The following FBXL20 variants were observed in gnomAD, a reference collection of about 807,000 sequenced individuals.
The protein encoded by FBXL20 is F-box and leucine rich repeat protein 20.
FBXL20 carries 11 observed loss-of-function variants against 64.0 expected under a neutral mutation model. The observed-to-expected ratio is 0.17, with a 90% CI of 0.11 to 0.28. The LOEUF (loss-of-function observed/expected upper bound fraction) is 0.28, where lower values mean the gene tolerates loss of function less well. Ranked by LOEUF, FBXL20 falls within the 10% of genes least tolerant of loss-of-function variation. The probability of loss-of-function intolerance (pLI) is 1.00; values close to 1 mark genes in which losing one functional copy is unlikely to be tolerated. For synonymous variants in FBXL20, 184 were observed against 189.0 expected (o/e 0.97, Z 0.22); for missense variants, 303 against 526.2 (o/e 0.58, Z 4.15).
intron 9 of FBXL20, among the ~76,000 whole-genome samples, chr17:39,279,152 T>C (rs1158586690): frequency 2.0e-5 from 3 of 151,760 alleles, no homozygotes; most frequent in Admixed American, 6.6e-5. Flanking sequence ...TCTAAATAAA[T>C]AAATAAATAA....
chr17:39,402,399 G>T, upstream of FBXL20: 1 of 408,284 alleles, frequency 2.4e-6, no homozygotes, highest in Non-Finnish European at 4.2e-6. Flanking sequence ...TGGCTCGGGA[G>T]GGCGAGGGTG....
intron 2 of FBXL20, among the ~76,000 whole-genome samples, chr17:39,336,123 G>GGGGAGGGGAA (rs2047519612): frequency 6.6e-6 from 1 of 152,046 alleles, no homozygotes; most frequent in Non-Finnish European, 1.5e-5. Context: ...AGAGGGGGGA[G>GGGGAGGGGAA]GGGAGGGGAA....
At chr17:39,318,107 T>A (rs2047314587) in intron 2 of FBXL20, among the ~76,000 whole-genome samples, 1 of 152,092 alleles carries the variant, frequency 6.6e-6, no homozygotes, top group Non-Finnish European at 1.5e-5. Context: ...TAAAAAAAAA[T>A]TCCTATGATA....
rs760947408 is a variant in FBXL20 at position 39,281,444 on chromosome 17, T to A, written c.641A>T (p.Lys214Met). The change falls in exon 9 of 15, where the codon AAG becomes ATG. Residue 214 changes from lysine to methionine, a missense_variant. Physicochemically the swap from Lys to Met is moderately conservative, Grantham distance 95 (BLOSUM62 -1). Transcript: ENST00000264658. Reference sequence around the variant, plus strand: ...TTCAGGGCAGTGTGCACCTATGTACTTGAGAGCTTCATCTTCTAGCTAGAA... The same window carrying A: ...TTCAGGGCAGTGTGCACCTATGTACATGAGAGCTTCATCTTCTAGCTAGAA... ...GCTQLEDEAL[K>M]YIGAHCPELV... is the part of the protein sequence containing the mutation. 1 of 1,613,400 alleles carries A rather than the reference T, an allele frequency of 6.2e-7. No individual in the cohort carries two copies. The highest frequency in any genetic ancestry group is 8.5e-7 in the Non-Finnish European group (1 of 1,179,678).
At chr17:39,362,398 G>A (rs1401549907) in intron 1 of FBXL20, among the ~76,000 whole-genome samples, 13 of 152,152 alleles carry the variant, frequency 8.5e-5, no homozygotes, top group Non-Finnish European at 1.9e-4. Context: ...CCAGGAGTTC[G>A]AGACCAGCCT....
intron 2 of FBXL20, among the ~76,000 whole-genome samples, chr17:39,321,026 G>C (rs993921307): frequency 2.6e-5 from 4 of 152,104 alleles, no homozygotes; most frequent in African/African-American, 7.2e-5. Flanking sequence ...TTCTCTGAAA[G>C]AAACTAGTAT....
In FBXL20 at chr17:39,258,648, C is replaced by A. The variant is rs934258393; in HGVS notation, c.*2812G>T. 6.6e-6 allele frequency: 1 copy of A among 152,202 alleles called. No individual in the cohort carries two copies. Among genetic ancestry groups the A allele is most frequent in the African/African-American group, 2.4e-5 (1 of 41,452 alleles). 9.4% of individuals were successfully genotyped at this position (152,202 alleles called of 1,614,324 possible). A position where few individuals can be genotyped will look rare whatever the true frequency, so the allele number is the denominator to read the frequency against. ...GATGAATAGAGTCTTTTAAACTTAT[C>A]TTTTAAGTAAAGAAGTACCTTAATA... On this transcript the variant is annotated 3_prime_UTR_variant, in exon 15 of 15. Transcript: ENST00000264658.
At chr17:39,347,420 T>G (rs1490359289) in intron 1 of FBXL20, among the ~76,000 whole-genome samples, 1 of 152,218 alleles carries the variant, frequency 6.6e-6, no homozygotes, top group Non-Finnish European at 1.5e-5. Flanking sequence ...TGGTTTTGAT[T>G]TGCATTTCTC....
chr17:39,374,040 G>A (rs1469580484), intron 1 of FBXL20, among the ~76,000 whole-genome samples: 1 of 150,200 alleles, frequency 6.7e-6, no homozygotes, highest in East Asian at 2.0e-4. Context: ...TGGCCAACAT[G>A]GCTAGACCCC....
Position 39,291,932 on chromosome 17 carries a change from ATC to A in FBXL20, c.398+5193_398+5194del, listed in dbSNP as rs965916178. On this transcript the variant is annotated intron_variant, in intron 6 of 14. Transcript: ENST00000264658. ...TATTTAATTTTCTAATCTTCCAGGTATCTGTTATTAATTTCTACTTTAATTTT... is the reference window on the plus strand; with the variant it reads ...TATTTAATTTTCTAATCTTCCAGGTATGTTATTAATTTCTACTTTAATTTT... 5.7e-5 allele frequency among the ~76,000 whole-genome samples: 8 copies of A among 140,014 alleles called. 1 individual carries two copies. Among genetic ancestry groups the A allele is most frequent in the African/African-American group, 2.4e-4 (8 of 33,394 alleles). 91.9% of individuals were successfully genotyped at this position (140,014 alleles called of 152,430 possible).
intron 6 of FBXL20, among the ~76,000 whole-genome samples, chr17:39,291,287 G>C (rs990546490): frequency 1.3e-5 from 2 of 150,756 alleles, no homozygotes; most frequent in Non-Finnish European, 3.0e-5. Flanking sequence ...TGGATTTCCA[G>C]TATTATTTCC....
chr17:39,376,885 T>G (rs1393392674), intron 1 of FBXL20, among the ~76,000 whole-genome samples: 1 of 152,130 alleles, frequency 6.6e-6, no homozygotes, highest in Non-Finnish European at 1.5e-5. Context: ...TGCAAAATTA[T>G]GACTGAGACA....
At chr17:39,288,182 G>T (rs925293268) in intron 6 of FBXL20, among the ~76,000 whole-genome samples, 2 of 151,918 alleles carry the variant, frequency 1.3e-5, no homozygotes, top group African/African-American at 2.4e-5. Context: ...AGTCAGGCTG[G>T]TCTCAAACTC....
chr17:39,334,931 T>G (rs761837079), intron 2 of FBXL20, among the ~76,000 whole-genome samples: 3 of 152,044 alleles, frequency 2.0e-5, no homozygotes, highest in Non-Finnish European at 4.4e-5. Flanking sequence ...GAACAGAAAT[T>G]AAAAGAAATT....
intron 1 of FBXL20, among the ~76,000 whole-genome samples, chr17:39,346,266 AG>A (rs2047631516): frequency 6.6e-6 from 1 of 152,074 alleles, no homozygotes; most frequent in African/African-American, 2.4e-5. Flanking sequence ...ACTTGTGCCC[AG>A]GAAGTCAAGG....
rs1383462057 is a variant in FBXL20 at position 39,256,670 on chromosome 17, T to C, written c.*4790A>G. 2 of 152,180 alleles carry C rather than the reference T, an allele frequency of 1.3e-5. No individual in the cohort carries two copies. Among genetic ancestry groups the C allele is most frequent in the African/African-American group, 4.8e-5 (2 of 41,450 alleles). The allele number at this position is 152,180 out of a possible 1,614,324, so 9.4% of individuals were successfully genotyped here. A position where few individuals can be genotyped will look rare whatever the true frequency, so the allele number is the denominator to read the frequency against. On this transcript the variant is annotated 3_prime_UTR_variant, in exon 15 of 15. Transcript: ENST00000264658. The stretch of plus-strand genomic sequence containing the variant: ...CTTAAATCATACACATAAGGAGGAA[T>C]AAGGCAAAATAGAGCAATTTCCTTT...
intron 12 of FBXL20, among the ~76,000 whole-genome samples, chr17:39,267,907 T>C (rs1014391685): frequency 3.9e-5 from 6 of 152,196 alleles, no homozygotes; most frequent in Non-Finnish European, 7.3e-5. Flanking sequence ...AGCTGTTAAG[T>C]AGTGCCTATA....
chr17:39,318,879 C>A (rs1259082992), intron 2 of FBXL20, among the ~76,000 whole-genome samples: 1 of 152,190 alleles, frequency 6.6e-6, no homozygotes, highest in Non-Finnish European at 1.5e-5. Context: ...AAGCGGAAAT[C>A]TCCTTATTAA....
At position 39,254,601 on chromosome 17, in the gene FBXL20, T is replaced by C. The variant is rs2046678461; in HGVS notation, c.*6859A>G. On this transcript the variant is annotated 3_prime_UTR_variant, in exon 15 of 15. Coordinates refer to ENST00000264658, the MANE Select transcript of FBXL20 (RefSeq NM_032875.3). ...CTATCTGTTTGACTGGTTAAGTGTG[T>C]AGAAAGTAGGAGCCCTCTTTGCCAG... is the stretch of plus-strand genomic sequence containing the variant. The C allele has an allele frequency of 6.5e-6, 1 of 154,418 alleles. No individual in the cohort carries two copies. The highest frequency in any genetic ancestry group is 1.5e-5 in the Non-Finnish European group (1 of 68,206). The allele number at this position is 154,418 out of a possible 1,614,324, so 9.6% of individuals were successfully genotyped here.
Sources: gnomAD v4.1 joint callset for allele counts (sites outside exome capture counted in the v4.1 genomes callset) on GRCh38, gnomAD v4.1.1 for gene constraint, MANE v1.5 for transcripts, NCBI Gene and HGNC (gene_info 2026-07-23, HGNC 2026-07-21) for gene names.